Variants in PIN1 observed in about 807,000 individuals in gnomAD.
PIN1 encodes the protein peptidylprolyl cis/trans isomerase, NIMA-interacting 1.
Under a neutral mutation model 19.9 loss-of-function variants are expected in PIN1, and 8 were observed. The ratio of observed to expected loss-of-function variants is 0.40; its 90% confidence interval spans 0.24 to 0.72. The LOEUF (loss-of-function observed/expected upper bound fraction) is 0.72, where lower values mean the gene tolerates loss of function less well. PIN1 is among the 30% of genes least tolerant of loss of function. The probability of loss-of-function intolerance (pLI) is 0.37; values close to 1 mark genes in which losing one functional copy is unlikely to be tolerated. For missense variants in PIN1, 185 were observed against 226.5 expected (o/e 0.82, Z 1.18); for synonymous variants, 86 against 90.8 (o/e 0.95, Z 0.30).
intron 1 of PIN1, chr19:9,836,703 C>G (rs2145407472): frequency 1.8e-6 from 1 of 548,774 alleles, no homozygotes; most frequent in East Asian, 7.0e-5. Flanking sequence ...CATCGGGCCA[C>G]CAGTAATGCT....
At chr19:9,839,893 A>C (rs1347331269) in intron 2 of PIN1, among the ~76,000 whole-genome samples, 1 of 152,112 alleles carries the variant, frequency 6.6e-6, no homozygotes, top group Non-Finnish European at 1.5e-5. Context: ...TCAGCTACTT[A>C]GAAGACTGAG....
Position 9,845,766 on chromosome 19 carries a change from A to ATG in PIN1, c.272-2257_272-2256dup, listed in dbSNP as rs1204513053. On this transcript the variant is annotated intron_variant, in intron 2 of 3. Coordinates refer to ENST00000247970, the MANE Select transcript of PIN1 (RefSeq NM_006221.4). Reference sequence around the variant, plus strand: ...TTTTAAGTGGTATGGCTTGCACACTATGTGTGTGAGAGAGGACAACTTGGG... The same window carrying ATG: ...TTTTAAGTGGTATGGCTTGCACACTATGTGTGTGTGAGAGAGGACAACTTGGG... Among the ~76,000 whole-genome samples the ATG allele has an allele frequency of 1.7e-4, 26 of 152,210 alleles. No individual in the cohort carries two copies. In the East Asian group the frequency reaches 5.0e-3, roughly 29 times the overall value.
intron 2 of PIN1, among the ~76,000 whole-genome samples, chr19:9,840,498 C>T (rs552978209): frequency 2.0e-3 from 300 of 152,348 alleles, no homozygotes; most frequent in African/African-American, 6.9e-3. Context: ...CCAAACAACC[C>T]ATCTCTCAAC....
chr19:9,838,685 T>C lies in PIN1; in HGVS notation c.271+37T>C. 1 of 1,449,692 alleles carries C rather than the reference T, an allele frequency of 6.9e-7. No homozygotes were observed. Among genetic ancestry groups the C allele is most frequent in the Non-Finnish European group, 9.4e-7 (1 of 1,069,416 alleles). 89.8% of individuals were successfully genotyped at this position (1,449,692 alleles called of 1,614,324 possible). On this transcript the variant is annotated intron_variant, in intron 2 of 3. Transcript: ENST00000247970. The surrounding 1 kb of genome is among the most constrained non-coding windows in gnomAD (Gnocchi z 5.8). ...GAGGGCAGGGGCTTGGGAGGGGGTC[T>C]TCTCCCAGGTGAGCCTTTGTAGAAG...
At chr19:9,839,755 C>T (rs2046145817) in intron 2 of PIN1, among the ~76,000 whole-genome samples, 1 of 152,202 alleles carries the variant, frequency 6.6e-6, no homozygotes, top group Non-Finnish European at 1.5e-5. Flanking sequence ...AGTTTGGCTG[C>T]CACTCCCACC....
chr19:9,845,062 T>G (rs2145416286), intron 2 of PIN1, among the ~76,000 whole-genome samples: 1 of 152,110 alleles, frequency 6.6e-6, no homozygotes, highest in African/African-American at 2.4e-5. Context: ...GGAGGCTTCT[T>G]GGGGAGACCA....
chr19:9,842,191 G>T (rs1037515948), intron 2 of PIN1, among the ~76,000 whole-genome samples: 1 of 152,176 alleles, frequency 6.6e-6, no homozygotes. Flanking sequence ...GGAAGAAGAA[G>T]TGAGAGGGAG....
intron 2 of PIN1, among the ~76,000 whole-genome samples, chr19:9,845,726 GT>G (rs2046214509): frequency 6.6e-6 from 1 of 152,214 alleles, no homozygotes; most frequent in Non-Finnish European, 1.5e-5. Context: ...GTGCCAAAGT[GT>G]GGCTTTTATT....
Position 9,838,255 on chromosome 19 carries a change from A to G in PIN1, c.59-181A>G. On this transcript the variant is annotated intron_variant, in intron 1 of 3. Coordinates refer to ENST00000247970, the MANE Select transcript of PIN1 (RefSeq NM_006221.4). The surrounding 1 kb of genome is among the most constrained non-coding windows in gnomAD (Gnocchi z 5.8). ...GAATGTTAGCTCTCTAAGGGCAGGG[A>G]CTGTATCCTGCCACATTGGCCCACG... 1 of 678,010 alleles carries G rather than the reference A, an allele frequency of 1.5e-6. No individual in the cohort carries two copies. The highest frequency in any genetic ancestry group is 1.6e-5 in the South Asian group (1 of 61,684). The allele number at this position is 678,010 out of a possible 1,614,324, so 42.0% of individuals were successfully genotyped here.
In PIN1 at chr19:9,838,523, AG is replaced by A; in HGVS notation, c.151del (p.Glu51SerfsTer12). On this transcript the variant is annotated frameshift_variant, in exon 2 of 4. Coordinates refer to ENST00000247970, the MANE Select transcript of PIN1 (RefSeq NM_006221.4). LOFTEE classifies it high-confidence loss of function. The surrounding 1 kb of genome is among the most constrained non-coding windows in gnomAD (Gnocchi z 5.8). ...GNSSSGGKNG[Q>X]GEPARVRCSH... ...AGCAGCAGTGGTGGCAAAAACGGGC[AG>A]GGGGAGCCTGCCAGGGTCCGCTGCT... The A allele has an allele frequency of 6.2e-7, 1 of 1,601,254 alleles. No homozygotes were observed. The highest frequency in any genetic ancestry group is 8.5e-7 in the Non-Finnish European group (1 of 1,175,502).
intron 1 of PIN1, chr19:9,835,805 C>T (rs1463696263): frequency 1.3e-5 from 3 of 222,648 alleles, no homozygotes; most frequent in Non-Finnish European, 2.6e-5. Flanking sequence ...GCCTCGGGTC[C>T]ACAACCTACC....
At chr19:9,841,920 A>T (rs1421856916) in intron 2 of PIN1, among the ~76,000 whole-genome samples, 1 of 152,156 alleles carries the variant, frequency 6.6e-6, no homozygotes, top group African/African-American at 2.4e-5. Flanking sequence ...AGCTGCTCCA[A>T]GCAATCCTGA....
At chr19:9,840,690 G>A (rs2046157214) in intron 2 of PIN1, among the ~76,000 whole-genome samples, 1 of 152,110 alleles carries the variant, frequency 6.6e-6, no homozygotes, top group African/African-American at 2.4e-5. Flanking sequence ...CAACCTCCTT[G>A]GGATCAGGTG....
intron 2 of PIN1, among the ~76,000 whole-genome samples, chr19:9,845,451 G>A (rs186658552): frequency 6.6e-6 from 1 of 152,000 alleles, no homozygotes; most frequent in East Asian, 1.9e-4. Flanking sequence ...GAGTGCAGTG[G>A]CAACGATCTC....
rs1435185793 is a variant in PIN1 at position 9,846,213 on chromosome 19, C to T, written c.272-1817C>T. Among the ~76,000 whole-genome samples the T allele has an allele frequency of 6.6e-6, 1 of 152,218 alleles. No homozygotes were observed. Among genetic ancestry groups the T allele is most frequent in the Admixed American group, 6.5e-5 (1 of 15,284 alleles). On this transcript the variant is annotated intron_variant, in intron 2 of 3. Coordinates refer to ENST00000247970, the MANE Select transcript of PIN1 (RefSeq NM_006221.4). The surrounding 1 kb of genome is among the most constrained non-coding windows in gnomAD (Gnocchi z 5.9). ...GCAGAAGCCTCTGTAATGTGCCATC[C>T]CAACAGAAGCTGGGGCCCTGTATGG...
chr19:9,848,015 G>A lies in PIN1; in HGVS notation c.272-15G>A, dbSNP rs766579491. 15 of 1,555,612 alleles carry A rather than the reference G, an allele frequency of 9.6e-6. No homozygotes were observed. The highest frequency in any genetic ancestry group is 5.0e-5 in the Admixed American group (3 of 59,916). ...ACCCCTGACCTGGCACTCCCATTCC[G>A]TTCCATGTCCACAGGCTACATCCAG... On this transcript the variant is annotated splice_polypyrimidine_tract_variant and intron_variant, in intron 2 of 3. Transcript: ENST00000247970.
intron 2 of PIN1, among the ~76,000 whole-genome samples, chr19:9,840,873 A>G (rs1454638073): frequency 2.0e-5 from 3 of 152,202 alleles, no homozygotes; most frequent in African/African-American, 7.2e-5. Flanking sequence ...TTGGGATGAC[A>G]AGCATGAACC....
intron 3 of PIN1, chr19:9,848,732 C>T: frequency 3.2e-6 from 1 of 313,344 alleles, no homozygotes; most frequent in Non-Finnish European, 6.0e-6. Context: ...ATGGGGCCAG[C>T]AGCTGCCCAC....
Position 9,849,390 on chromosome 19 carries a change from C to A in PIN1, c.*191C>A. ...TGGGGTCCCCACTCCCTGTCCATCC[C>A]CAGTTGGGGCTGCGACCGCCAGATT... On this transcript the variant is annotated 3_prime_UTR_variant, in exon 4 of 4. Transcript: ENST00000247970. 1 of 719,548 alleles carries A rather than the reference C, an allele frequency of 1.4e-6. No homozygotes were observed. Among genetic ancestry groups the A allele is most frequent in the Non-Finnish European group, 2.5e-6 (1 of 394,086 alleles). 44.6% of individuals were successfully genotyped at this position (719,548 alleles called of 1,614,324 possible).
Sources: allele counts gnomAD v4.1 joint callset (sites outside exome capture counted in the v4.1 genomes callset), GRCh38; gene constraint gnomAD v4.1.1; non-coding constraint Gnocchi (gnomAD v3.1); transcripts MANE v1.5; gene names NCBI Gene and HGNC (gene_info 2026-07-23, HGNC 2026-07-21).